Variants in UBE2E2 observed in about 807,000 individuals in gnomAD.
The protein encoded by UBE2E2 is ubiquitin conjugating enzyme E2 E2.
In UBE2E2, 6 loss-of-function variants were observed where a neutral mutation model predicts 24.7. That is an observed-to-expected ratio of 0.24 (90% CI 0.13 to 0.48). UBE2E2 has a LOEUF of 0.48. UBE2E2 is among the 20% of genes least tolerant of loss of function. The pLI is 0.99. For missense variants in UBE2E2, 169 were observed against 245.0 expected, an observed-to-expected ratio of 0.69 and a Z score of 2.07; for synonymous variants, 104 against 83.6, an observed-to-expected ratio of 1.24 and a Z score of -1.33.
chr3:23,579,353 C>T (rs1358696132), intron 5 of UBE2E2, among the ~76,000 whole-genome samples: 1 of 150,546 alleles, frequency 6.6e-6, no homozygotes, highest in African/African-American at 2.5e-5. Flanking sequence ...CCACTACACT[C>T]CAGCCTGGGC....
At chr3:23,526,393 C>T (rs944280372) in intron 4 of UBE2E2, among the ~76,000 whole-genome samples, 2 of 152,118 alleles carry the variant, frequency 1.3e-5, no homozygotes, top group South Asian at 2.1e-4. Flanking sequence ...GGTTCTAAAA[C>T]GCTCTTTTAC....
intron 3 of UBE2E2, among the ~76,000 whole-genome samples, chr3:23,241,788 G>A (rs4858064): frequency 0.59 from 88,944 of 152,040 alleles, 26,451 homozygotes; most frequent in South Asian, 0.67. Context: ...TGCCTGGAAC[G>A]TAGTAAATGT....
intron 3 of UBE2E2, among the ~76,000 whole-genome samples, chr3:23,257,923 CTCTT>C (rs537919671): frequency 1.3e-3 from 205 of 151,972 alleles, no homozygotes; most frequent in African/African-American, 4.7e-3. Flanking sequence ...TCATTTAGAT[CTCTT>C]TCGTCTATTC....
intron 3 of UBE2E2, among the ~76,000 whole-genome samples, chr3:23,374,739 C>A (rs1303688839): frequency 6.6e-6 from 1 of 152,188 alleles, no homozygotes. Flanking sequence ...AAACTTACTG[C>A]CTCTTACCTT....
chr3:23,517,675 T>C (rs1248964891), intron 4 of UBE2E2, among the ~76,000 whole-genome samples: 1 of 152,206 alleles, frequency 6.6e-6, no homozygotes, highest in Non-Finnish European at 1.5e-5. Flanking sequence ...CTAGCCTGTC[T>C]ACAAAAAATT....
intron 5 of UBE2E2, among the ~76,000 whole-genome samples, chr3:23,566,540 G>A (rs1290368647): frequency 2.0e-5 from 3 of 152,144 alleles, no homozygotes; most frequent in Admixed American, 6.6e-5. Flanking sequence ...GTTCTGCAGG[G>A]TGTACAAGAA....
intron 3 of UBE2E2, among the ~76,000 whole-genome samples, chr3:23,347,419 T>C (rs1695591652): frequency 1.3e-5 from 2 of 152,180 alleles, no homozygotes; most frequent in Non-Finnish European, 1.5e-5. Context: ...TGGATGAAGC[T>C]GGAAACCCTC....
intron 3 of UBE2E2, among the ~76,000 whole-genome samples, chr3:23,296,417 A>T (rs1389824229): frequency 6.6e-6 from 1 of 151,882 alleles, no homozygotes; most frequent in Non-Finnish European, 1.5e-5. Context: ...TGCACCCATT[A>T]ACTCGTCATT....
At chr3:23,535,571 T>C (rs1265244846) in intron 5 of UBE2E2, among the ~76,000 whole-genome samples, 2 of 151,992 alleles carry the variant, frequency 1.3e-5, no homozygotes, top group Non-Finnish European at 2.9e-5. Flanking sequence ...GCTGGTCTTA[T>C]TAGGCCACCA....
At chr3:23,532,775 C>G in intron 5 of UBE2E2, 74 bp downstream of exon 5, 1 of 1,296,220 alleles carries the variant, frequency 7.7e-7, no homozygotes, top group Non-Finnish European at 1.0e-6. Flanking sequence ...AACTTGTTTA[C>G]TACTGCTACT....
rs141148762 is a variant in UBE2E2 at position 23,342,847 on chromosome 3, A to T, written c.227+125535A>T. ...TTTTATATTTTTTTTTCTGCTTCAT[A>T]GCTGTGGAAAATTATTGCAACCAAA... On this transcript the variant is annotated intron_variant, in intron 3 of 5. Coordinates refer to ENST00000396703, the MANE Select transcript of UBE2E2 (RefSeq NM_152653.4). Among the ~76,000 whole-genome samples, 3 of 152,238 alleles carry T rather than the reference A, an allele frequency of 2.0e-5. 1 individual carries two copies. Among genetic ancestry groups the T allele is most frequent in the African/African-American group, 7.2e-5 (3 of 41,530 alleles).
intron 3 of UBE2E2, among the ~76,000 whole-genome samples, chr3:23,264,870 T>A: frequency 6.6e-6 from 1 of 152,206 alleles, no homozygotes; most frequent in Non-Finnish European, 1.5e-5. Flanking sequence ...GTTAAGTGAT[T>A]GTCTTACAAG....
intron 3 of UBE2E2, among the ~76,000 whole-genome samples, chr3:23,310,511 A>T (rs960345541): frequency 1.4e-4 from 21 of 152,164 alleles, no homozygotes; most frequent in African/African-American, 3.6e-4. Flanking sequence ...AAGCTGTTGG[A>T]GAAGAATGGG....
intron 3 of UBE2E2, among the ~76,000 whole-genome samples, chr3:23,371,576 CAA>C (rs1201081083): frequency 2.0e-5 from 3 of 152,028 alleles, no homozygotes; most frequent in East Asian, 1.9e-4. Context: ...AGCTGAAAAA[CAA>C]GAGCATTTTT....
intron 3 of UBE2E2, among the ~76,000 whole-genome samples, chr3:23,230,250 G>T (rs2132148): frequency 0.23 from 35,589 of 152,074 alleles, 4,457 homozygotes; most frequent in Non-Finnish European, 0.28. Flanking sequence ...AATACAGACT[G>T]TGAGGCTACT....
At chr3:23,481,804 A>G (rs1699265921) in intron 3 of UBE2E2, among the ~76,000 whole-genome samples, 1 of 152,238 alleles carries the variant, frequency 6.6e-6, no homozygotes, top group South Asian at 2.1e-4. Context: ...TCCTTCAAAG[A>G]TAGCCGACGT....
At position 23,280,956 on chromosome 3, in the gene UBE2E2, G is replaced by A. The variant is rs796993074; in HGVS notation, c.227+63644G>A. Among the ~76,000 whole-genome samples, 10 of 152,316 alleles carry A rather than the reference G, an allele frequency of 6.6e-5. 1 individual carries two copies. The highest frequency in any genetic ancestry group is 2.2e-4 in the African/African-American group (9 of 41,566). On this transcript the variant is annotated intron_variant, in intron 3 of 5. Transcript: ENST00000396703. The surrounding 1 kb of genome is among the most constrained non-coding windows in gnomAD (Gnocchi z 4.3). Reference sequence around the variant, plus strand: ...AAAGTGCTGGCAGACCTGGTGTCTGGTGAGAGCACTGTTCCTAGTTTGCAG... The same window carrying A: ...AAAGTGCTGGCAGACCTGGTGTCTGATGAGAGCACTGTTCCTAGTTTGCAG...
chr3:23,551,095 T>G (rs950390329), intron 5 of UBE2E2, among the ~76,000 whole-genome samples: 27 of 152,180 alleles, frequency 1.8e-4, no homozygotes, highest in African/African-American at 6.3e-4. Flanking sequence ...GCAACATTCT[T>G]TGGAATAAGG....
intron 3 of UBE2E2, among the ~76,000 whole-genome samples, chr3:23,221,630 C>T (rs1244075532): frequency 6.6e-6 from 1 of 151,244 alleles, no homozygotes; most frequent in Non-Finnish European, 1.5e-5. Context: ...TTGCTGCATG[C>T]GTTAGTACTT....
Sources: gnomAD v4.1 joint callset for allele counts (sites outside exome capture counted in the v4.1 genomes callset) on GRCh38, gnomAD v4.1.1 for gene constraint, Gnocchi (gnomAD v3.1) non-coding constraint, MANE v1.5 for transcripts, NCBI Gene and HGNC (gene_info 2026-07-23, HGNC 2026-07-21) for gene names.